Variants in PARD3B observed in about 807,000 individuals in gnomAD.
PARD3B encodes the protein par-3 family cell polarity regulator beta.
In PARD3B, 103 loss-of-function variants were observed where a neutral mutation model predicts 130.2. The observed-to-expected ratio is 0.79, with a 90% confidence interval of 0.67 to 0.93. The LOEUF is 0.93. Ranked by LOEUF, PARD3B falls within the 40% of genes least tolerant of loss-of-function variation. The pLI is 0.00. For missense variants in PARD3B, 1,609 were observed against 1,499.2 expected, an observed-to-expected ratio of 1.07 and a Z score of -1.21; for synonymous variants, 583 against 553.2, an observed-to-expected ratio of 1.05 and a Z score of -0.76.
chr2:205,223,613 G>T (rs931968220), intron 15 of PARD3B, among the ~76,000 whole-genome samples: 9 of 140,258 alleles, frequency 6.4e-5, no homozygotes, highest in Non-Finnish European at 1.2e-4. Flanking sequence ...TTATGGTCCT[G>T]TATTCAAAAA....
intron 22 of PARD3B, among the ~76,000 whole-genome samples, chr2:205,553,753 G>A (rs781168498): frequency 6.6e-6 from 1 of 152,150 alleles, no homozygotes; most frequent in Non-Finnish European, 1.5e-5. Flanking sequence ...AGTTACGCAC[G>A]AGGAATGGCG....
chr2:205,289,308 G>C (rs2105866477), intron 16 of PARD3B, among the ~76,000 whole-genome samples: 1 of 152,188 alleles, frequency 6.6e-6, no homozygotes, highest in South Asian at 2.1e-4. Flanking sequence ...AAATCCTCTT[G>C]CCATTCTGTG....
rs80033844 is a variant in PARD3B at position 205,491,538 on chromosome 2, G to A, written c.3045-8358G>A. On this transcript the variant is annotated intron_variant, in intron 20 of 22. Coordinates refer to ENST00000406610, the MANE Select transcript of PARD3B (RefSeq NM_001302769.2). ...TTGTAGCATAGTTTGAAGTCAGGTAGTGTGATGCCTCCAGCTTTGTTCTTT... is the reference window on the plus strand; with the variant it reads ...TTGTAGCATAGTTTGAAGTCAGGTAATGTGATGCCTCCAGCTTTGTTCTTT... Among the ~76,000 whole-genome samples, 7 of 152,262 alleles carry A rather than the reference G, an allele frequency of 4.6e-5. No individual in the cohort carries two copies. The East Asian group carries it at 5.8e-4, about 13-fold the overall frequency.
chr2:204,991,989 A>G (rs1361249987), intron 3 of PARD3B, among the ~76,000 whole-genome samples: 1 of 151,882 alleles, frequency 6.6e-6, no homozygotes, highest in Non-Finnish European at 1.5e-5. Flanking sequence ...CCTTTGTCAG[A>G]TGAGTAGGTT....
chr2:204,839,823 G>C (rs1458381943), intron 2 of PARD3B, among the ~76,000 whole-genome samples: 1 of 152,048 alleles, frequency 6.6e-6, no homozygotes, highest in Non-Finnish European at 1.5e-5. Flanking sequence ...TTTGAAAAAA[G>C]ATTTGTCATA....
At chr2:204,671,142 T>A (rs972472550) in intron 1 of PARD3B, among the ~76,000 whole-genome samples, 1 of 152,168 alleles carries the variant, frequency 6.6e-6, no homozygotes, top group Non-Finnish European at 1.5e-5. Flanking sequence ...TAATCACCTG[T>A]CAGGAGTGAC....
chr2:204,940,817 T>A (rs1405221316), intron 2 of PARD3B, among the ~76,000 whole-genome samples: 1 of 152,126 alleles, frequency 6.6e-6, no homozygotes, highest in Non-Finnish European at 1.5e-5. Context: ...CCTGCTCTAT[T>A]TTCAAGCCAT....
intron 15 of PARD3B, among the ~76,000 whole-genome samples, chr2:205,216,035 A>C (rs911326852): frequency 6.6e-6 from 1 of 152,100 alleles, no homozygotes; most frequent in South Asian, 2.1e-4. Flanking sequence ...ATATATAATC[A>C]TGTACGATGT....
intron 4 of PARD3B, among the ~76,000 whole-genome samples, chr2:205,101,514 A>T (rs1343713292): frequency 6.6e-6 from 1 of 152,198 alleles, no homozygotes; most frequent in Non-Finnish European, 1.5e-5. Context: ...CCATATGAGC[A>T]ACAATTCCAC....
intron 1 of PARD3B, among the ~76,000 whole-genome samples, chr2:204,551,169 A>T (rs981949392): frequency 2.6e-5 from 4 of 152,192 alleles, no homozygotes; most frequent in African/African-American, 9.7e-5. Context: ...TGACCCACAG[A>T]CATATTTTTG....
chr2:205,050,712 T>C (rs941425799), intron 4 of PARD3B, among the ~76,000 whole-genome samples: 2 of 151,842 alleles, frequency 1.3e-5, no homozygotes, highest in Non-Finnish European at 2.9e-5. Context: ...CACCTGTTTT[T>C]ACTTTTTTTT....
At chr2:204,713,163 G>C (rs2038539279) in intron 2 of PARD3B, among the ~76,000 whole-genome samples, 2 of 151,848 alleles carry the variant, frequency 1.3e-5, no homozygotes, top group Admixed American at 6.6e-5. Context: ...CGCATGTTTT[G>C]CCCCTTGCAA....
chr2:204,935,111 T>G (rs1221548758), intron 2 of PARD3B, among the ~76,000 whole-genome samples: 2 of 151,592 alleles, frequency 1.3e-5, no homozygotes, highest in African/African-American at 4.8e-5. Context: ...TTACTTTTTG[T>G]CCATATTTAC....
intron 2 of PARD3B, among the ~76,000 whole-genome samples, chr2:204,920,399 T>G (rs909141058): frequency 6.6e-6 from 1 of 152,192 alleles, no homozygotes; most frequent in African/African-American, 2.4e-5. Context: ...CATTATGATG[T>G]GTCCTTTTGT....
chr2:205,488,365 C>A (rs2049530497), intron 20 of PARD3B, among the ~76,000 whole-genome samples: 1 of 152,086 alleles, frequency 6.6e-6, no homozygotes, highest in South Asian at 2.1e-4. Flanking sequence ...AGGGTTCGTG[C>A]TCCTATAAGA....
intron 21 of PARD3B, among the ~76,000 whole-genome samples, chr2:205,511,585 T>C (rs1462246756): frequency 3.3e-5 from 5 of 152,208 alleles, no homozygotes; most frequent in Non-Finnish European, 7.4e-5. Context: ...AGAAAACCTA[T>C]AGCAGAAACC....
intron 1 of PARD3B, among the ~76,000 whole-genome samples, chr2:204,619,432 G>T (rs771458146): frequency 1.3e-5 from 2 of 152,162 alleles, no homozygotes; most frequent in Non-Finnish European, 2.9e-5. Flanking sequence ...CAAGTATGTT[G>T]CTAGTTGTCA....
At chr2:205,480,888 AC>A (rs2049208514) in intron 20 of PARD3B, among the ~76,000 whole-genome samples, 1 of 152,186 alleles carries the variant, frequency 6.6e-6, no homozygotes, top group South Asian at 2.1e-4. Context: ...CAGAGGAGGC[AC>A]CTCTGACAAG....
chr2:204,632,827 G>C (rs2034730699), intron 1 of PARD3B, among the ~76,000 whole-genome samples: 1 of 152,178 alleles, frequency 6.6e-6, no homozygotes, highest in Admixed American at 6.5e-5. Flanking sequence ...TTCTCCGTGG[G>C]TCAAGGTGTT....
Sources: gnomAD v4.1 joint callset for allele counts (sites outside exome capture counted in the v4.1 genomes callset) on GRCh38, gnomAD v4.1.1 for gene constraint, MANE v1.5 for transcripts, NCBI Gene and HGNC (gene_info 2026-07-23, HGNC 2026-07-21) for gene names.